The following PDE1C variants were observed in gnomAD, a reference collection of about 807,000 sequenced individuals.
The protein encoded by PDE1C is dual specificity calcium/calmodulin-dependent 3',5'-cyclic nucleotide phosphodiesterase 1C.
PDE1C carries 62 observed loss-of-function variants against 93.1 expected under a neutral mutation model. The observed-to-expected ratio is 0.67, with a 90% CI of 0.54 to 0.82. The LOEUF is 0.82. Among genes scored for constraint, PDE1C ranks in the 40% least tolerant of loss-of-function variants. The pLI, the probability that PDE1C is intolerant of heterozygous loss-of-function variation, is 0.00. For synonymous variants in PDE1C, 325 were observed against 310.1 expected, an observed-to-expected ratio of 1.05 and a Z score of -0.50; for missense variants, 742 against 884.6, an observed-to-expected ratio of 0.84 and a Z score of 2.04.
chr7:31,621,645 C>T, the PDE1C span, among the ~76,000 whole-genome samples: 2 of 148,484 alleles, frequency 1.3e-5, no homozygotes, highest in South Asian at 2.1e-4. Context: ...CCAGACACTG[C>T]AAAATCATGC....
intron 1 of PDE1C, among the ~76,000 whole-genome samples, chr7:32,415,705 G>A (rs1785261508): frequency 6.9e-6 from 1 of 144,708 alleles, no homozygotes; most frequent in Non-Finnish European, 1.5e-5. Context: ...GGCGGTGGGA[G>A]AGGGGCCAGG....
chr7:31,714,615 A>G, the PDE1C span, among the ~76,000 whole-genome samples: 1 of 152,254 alleles, frequency 6.6e-6, no homozygotes, highest in Non-Finnish European at 1.5e-5. Flanking sequence ...AAGAAGTTTA[A>G]TGGACTTGCA....
chr7:31,830,023 C>T (rs1353137062), intron 11 of PDE1C, among the ~76,000 whole-genome samples: 1 of 152,136 alleles, frequency 6.6e-6, no homozygotes, highest in Non-Finnish European at 1.5e-5. Context: ...GATTTCATTA[C>T]TGAACAATCA....
At chr7:31,865,189 G>C (rs1795146452) in intron 6 of PDE1C, 107 bp from the exon 7 acceptor site, 1 of 1,000,392 alleles carries the variant, frequency 1.0e-6, no homozygotes, top group Admixed American at 2.3e-5. Flanking sequence ...CATAACACAT[G>C]AGGAAATTGG....
chr7:31,798,984 G>A (rs900100996), intron 16 of PDE1C, among the ~76,000 whole-genome samples: 1 of 151,664 alleles, frequency 6.6e-6, no homozygotes, highest in Non-Finnish European at 1.5e-5. Flanking sequence ...AGTAGTATGG[G>A]GACATTTTTT....
intron 3 of PDE1C, among the ~76,000 whole-genome samples, chr7:32,081,771 T>G (rs901530284): frequency 6.6e-6 from 1 of 151,986 alleles, no homozygotes; most frequent in Non-Finnish European, 1.5e-5. Context: ...GGTTAAGGAT[T>G]TATTGATAGA....
chr7:32,165,823 A>T (rs368938731), intron 3 of PDE1C, among the ~76,000 whole-genome samples: 132 of 152,266 alleles, frequency 8.7e-4, no homozygotes, highest in African/African-American at 3.1e-3. Flanking sequence ...CCTAAATCTC[A>T]TCTAGTGCAG....
chr7:32,070,466 G>C, upstream of PDE1C: 1 of 1,581,900 alleles, frequency 6.3e-7, no homozygotes, highest in Non-Finnish European at 8.6e-7. Context: ...TCCTCGCCCA[G>C]CTCGCGATGC....
At chr7:32,279,566 T>C (rs902898884) in intron 1 of PDE1C, among the ~76,000 whole-genome samples, 4 of 152,084 alleles carry the variant, frequency 2.6e-5, no homozygotes, top group Non-Finnish European at 1.5e-5. Context: ...CATTGAAATA[T>C]GACATTATAC....
intron 1 of PDE1C, among the ~76,000 whole-genome samples, chr7:32,399,175 G>A (rs1419389328): frequency 6.6e-6 from 1 of 152,268 alleles, no homozygotes; most frequent in South Asian, 2.1e-4. Flanking sequence ...TCTCATAGTC[G>A]ATCAAGCCAT....
chr7:31,815,660 G>T (rs1788149773), intron 15 of PDE1C, among the ~76,000 whole-genome samples: 1 of 145,554 alleles, frequency 6.9e-6, no homozygotes, highest in Non-Finnish European at 1.5e-5. Flanking sequence ...CCAGCTGGCA[G>T]GCAGGCAGGC....
At chr7:31,643,201 C>T in the PDE1C span, 2 of 1,613,976 alleles carry the variant, frequency 1.2e-6, no homozygotes, top group South Asian at 1.1e-5. Context: ...CAAGTTCCTT[C>T]ATGTTGACTC....
intron 2 of PDE1C, among the ~76,000 whole-genome samples, chr7:31,902,756 A>G (rs542270180): frequency 1.3e-5 from 2 of 151,488 alleles, no homozygotes; most frequent in East Asian, 3.9e-4. Flanking sequence ...TTATCATTAT[A>G]ACACATGCAA....
chr7:32,335,181 C>T (rs7795346), intron 1 of PDE1C, among the ~76,000 whole-genome samples: 4,891 of 152,226 alleles, frequency 0.032, 221 homozygotes, highest in African/African-American at 0.098. Flanking sequence ...AAAAAATTGA[C>T]CTGTCCAAAT....
At chr7:32,067,312 A>C (rs1795517136) in intron 1 of PDE1C, among the ~76,000 whole-genome samples, 1 of 152,180 alleles carries the variant, frequency 6.6e-6, no homozygotes, top group Admixed American at 6.5e-5. Flanking sequence ...AAAGCAAACC[A>C]AAAGCAAGTG....
chr7:32,212,567 C>T lies in PDE1C; in HGVS notation c.86-3028G>A, dbSNP rs147476691. 7.0e-3 allele frequency among the ~76,000 whole-genome samples: 1,063 copies of T among 152,304 alleles called. 5 individuals are homozygous for T. Among genetic ancestry groups the T allele is most frequent in the Admixed American group, 0.015 (236 of 15,300 alleles). ...ACCAACTTATTCTCCCACCTCATTT[C>T]CCAGAGCATACTCCAGCACTCGGTC... On this transcript the variant is annotated intron_variant, in intron 1 of 18. Coordinates refer to the PDE1C transcript ENST00000396193.
chr7:32,330,517 C>T (rs1165054338), intron 1 of PDE1C, among the ~76,000 whole-genome samples: 1 of 152,224 alleles, frequency 6.6e-6, no homozygotes, highest in Non-Finnish European at 1.5e-5. Context: ...ACGAGCTAAA[C>T]CCTGAGGACA....
At chr7:32,071,301 G>A, upstream of PDE1C, 1 of 985,508 alleles carries the variant, frequency 1.0e-6, no homozygotes. Context: ...GCTTCGCGGA[G>A]GTTGGGCCTG....
At chr7:31,974,980 T>C (rs1811463936) in intron 2 of PDE1C, among the ~76,000 whole-genome samples, 2 of 152,184 alleles carry the variant, frequency 1.3e-5, no homozygotes, top group Non-Finnish European at 1.5e-5. Context: ...CATGAAAACA[T>C]ACAAAATCCT....
Sources: allele counts gnomAD v4.1 joint callset (sites outside exome capture counted in the v4.1 genomes callset), GRCh38; gene constraint gnomAD v4.1.1; transcripts MANE v1.5; gene names NCBI Gene and HGNC (gene_info 2026-07-23, HGNC 2026-07-21).